Variants in GALNT13 observed in about 807,000 individuals in gnomAD.
GALNT13 encodes polypeptide N-acetylgalactosaminyltransferase 13, also known as UDP-GalNAc:polypeptide N-acetylgalactosaminyltransferase 13.
Under a neutral mutation model 64.2 loss-of-function variants are expected in GALNT13, and 28 were observed. The ratio of observed to expected loss-of-function variants is 0.44; its 90% CI spans 0.32 to 0.60. GALNT13 has a LOEUF of 0.60. Among genes scored for constraint, GALNT13 ranks in the 20% least tolerant of loss-of-function variants. GALNT13 has a pLI of 0.05. For missense variants in GALNT13, 577 were observed against 669.8 expected, an observed-to-expected ratio of 0.86 and a Z score of 1.53; for synonymous variants, 214 against 224.6, an observed-to-expected ratio of 0.95 and a Z score of 0.42.
At chr2:153,909,307 G>A (rs1169519945) in intron 2 of GALNT13, among the ~76,000 whole-genome samples, 1 of 152,084 alleles carries the variant, frequency 6.6e-6, no homozygotes, top group African/African-American at 2.4e-5. Flanking sequence ...AAACTTTGCT[G>A]AGGTTTATCA....
intron 1 of GALNT13, among the ~76,000 whole-genome samples, chr2:153,889,968 C>T (rs1231004273): frequency 6.6e-6 from 1 of 151,714 alleles, no homozygotes; most frequent in African/African-American, 2.4e-5. Flanking sequence ...GGTGTGTCTG[C>T]ACTTCTGCTT....
chr2:154,421,527 A>G (rs568090010), intron 11 of GALNT13, among the ~76,000 whole-genome samples: 2 of 152,214 alleles, frequency 1.3e-5, no homozygotes, highest in East Asian at 3.9e-4. Flanking sequence ...TCATGATGTC[A>G]AAAAGGAATT....
At chr2:153,503,449 T>C in the GALNT13 span, among the ~76,000 whole-genome samples, 1 of 152,028 alleles carries the variant, frequency 6.6e-6, no homozygotes. Flanking sequence ...TTTAAATAAT[T>C]AATTTATTTG....
chr2:153,595,114 A>C, the GALNT13 span, among the ~76,000 whole-genome samples: 7 of 152,064 alleles, frequency 4.6e-5, no homozygotes, highest in African/African-American at 1.7e-4. Flanking sequence ...GGAGTGAAAA[A>C]ATAGGAGAAA....
chr2:154,252,433 C>T (rs546448455), intron 7 of GALNT13, among the ~76,000 whole-genome samples: 49 of 151,536 alleles, frequency 3.2e-4, no homozygotes, highest in African/African-American at 9.9e-4. Flanking sequence ...CTTGGCCTAC[C>T]GCAAGCTCCG....
chr2:154,391,614 T>A (rs974931174), intron 9 of GALNT13, among the ~76,000 whole-genome samples: 1 of 152,178 alleles, frequency 6.6e-6, no homozygotes, highest in African/African-American at 2.4e-5. Flanking sequence ...AGAATGGATG[T>A]CAGGCGTGCA....
At chr2:153,867,744 G>C (rs573984731), upstream of GALNT13, among the ~76,000 whole-genome samples, 6 of 151,758 alleles carry the variant, frequency 4.0e-5, no homozygotes, top group South Asian at 1.3e-3. Flanking sequence ...GATAGTGACA[G>C]ATCATCAGGC....
chr2:153,746,689 T>G, the GALNT13 span, among the ~76,000 whole-genome samples: 1 of 152,144 alleles, frequency 6.6e-6, no homozygotes, highest in Non-Finnish European at 1.5e-5. Context: ...TAAATTTTAG[T>G]GGAAGCTGCC....
At chr2:153,814,519 G>A in the GALNT13 span, among the ~76,000 whole-genome samples, 1 of 151,884 alleles carries the variant, frequency 6.6e-6, no homozygotes, top group African/African-American at 2.4e-5. Flanking sequence ...AACAATTCAT[G>A]ACCATCCCTG....
the GALNT13 span, among the ~76,000 whole-genome samples, chr2:153,599,414 G>A: frequency 6.6e-6 from 1 of 151,868 alleles, no homozygotes; most frequent in East Asian, 1.9e-4. Flanking sequence ...CTTGGTCTTT[G>A]GTAAGCACCA....
chr2:153,980,259 A>G (rs528360961), intron 3 of GALNT13, among the ~76,000 whole-genome samples: 1 of 152,298 alleles, frequency 6.6e-6, no homozygotes, highest in South Asian at 2.1e-4. Flanking sequence ...AGCACCACTG[A>G]AGGATTATAA....
chr2:154,291,520 C>T (rs1692630632), intron 8 of GALNT13, among the ~76,000 whole-genome samples: 1 of 152,226 alleles, frequency 6.6e-6, no homozygotes, highest in African/African-American at 2.4e-5. Flanking sequence ...CGGCACCTAG[C>T]CTGGGCACTC....
the GALNT13 span, among the ~76,000 whole-genome samples, chr2:153,665,503 A>G: frequency 6.6e-6 from 1 of 152,118 alleles, no homozygotes; most frequent in Non-Finnish European, 1.5e-5. Flanking sequence ...CCCCCTATCT[A>G]GCATAGAATG....
the GALNT13 span, among the ~76,000 whole-genome samples, chr2:153,699,675 A>G: frequency 1.3e-5 from 2 of 152,216 alleles, no homozygotes; most frequent in African/African-American, 2.4e-5. Context: ...CACTGACCCT[A>G]CAGAAATACA....
intron 4 of GALNT13, among the ~76,000 whole-genome samples, chr2:154,157,719 G>A (rs1684501838): frequency 6.6e-6 from 1 of 152,102 alleles, no homozygotes; most frequent in African/African-American, 2.4e-5. Context: ...TGAATTCCCT[G>A]CAATTGACTT....
At chr2:154,384,272 T>A (rs960183377) in intron 9 of GALNT13, among the ~76,000 whole-genome samples, 7 of 151,934 alleles carry the variant, frequency 4.6e-5, no homozygotes, top group Admixed American at 6.6e-5. Flanking sequence ...AGCACTGTTG[T>A]CTCAAATTCT....
chr2:154,038,571 C>T (rs909075932), intron 3 of GALNT13, among the ~76,000 whole-genome samples: 9 of 152,172 alleles, frequency 5.9e-5, no homozygotes, highest in Middle Eastern at 3.4e-3. Flanking sequence ...TGCAAGACAA[C>T]GTAAGTAGAC....
intron 3 of GALNT13, among the ~76,000 whole-genome samples, chr2:153,957,500 A>G (rs1692645997): frequency 2.0e-5 from 3 of 152,208 alleles, no homozygotes; most frequent in Non-Finnish European, 4.4e-5. Context: ...TGTGGGGGCT[A>G]GTAGAAGAAG....
At chr2:154,212,285 C>A (rs947624970) in intron 4 of GALNT13, among the ~76,000 whole-genome samples, 1 of 151,870 alleles carries the variant, frequency 6.6e-6, no homozygotes, top group Admixed American at 6.6e-5. Context: ...TGCTCTATCG[C>A]CCAGGCTGGA....
Sources: gnomAD v4.1 joint callset for allele counts (sites outside exome capture counted in the v4.1 genomes callset) on GRCh38, gnomAD v4.1.1 for gene constraint, MANE v1.5 for transcripts, NCBI Gene and HGNC (gene_info 2026-07-23, HGNC 2026-07-21) for gene names.